MACROD2: variants seen among roughly 807,000 people sequenced by gnomAD.
MACROD2 encodes ADP-ribose glycohydrolase MACROD2.
In MACROD2, 36 loss-of-function variants were observed where a neutral mutation model predicts 70.4. The ratio of observed to expected loss-of-function variants is 0.51; its 90% CI spans 0.39 to 0.68. MACROD2 has a LOEUF of 0.68. MACROD2 is among the 30% of genes least tolerant of loss of function. The pLI is 0.00. For missense variants in MACROD2, 496 were observed against 538.4 expected (o/e 0.92, Z 0.78); for synonymous variants, 172 against 178.8 (o/e 0.96, Z 0.30).
chr20:14,453,277 G>T (rs894242439), intron 3 of MACROD2, among the ~76,000 whole-genome samples: 8 of 152,092 alleles, frequency 5.3e-5, no homozygotes, highest in Admixed American at 1.3e-4. Flanking sequence ...TCTGATGTGT[G>T]TCCCTACTTA....
intron 5 of MACROD2, among the ~76,000 whole-genome samples, chr20:15,082,523 GTTTTT>G (rs753606217): frequency 7.9e-5 from 8 of 101,746 alleles, no homozygotes; most frequent in Admixed American, 4.4e-4. Flanking sequence ...ACTGCAAGAG[GTTTTT>G]TTTTTTTTTT....
intron 8 of MACROD2, among the ~76,000 whole-genome samples, chr20:15,542,520 G>A (rs530566245): frequency 6.6e-6 from 1 of 152,284 alleles, no homozygotes; most frequent in East Asian, 1.9e-4. Flanking sequence ...GGGTGCTTCT[G>A]TGATCTGGGA....
chr20:15,908,328 T>C (rs1017566245), intron 10 of MACROD2, among the ~76,000 whole-genome samples: 7 of 152,202 alleles, frequency 4.6e-5, no homozygotes, highest in Admixed American at 1.3e-4. Flanking sequence ...GCGGGTGGCC[T>C]TCTCCACCTC....
intron 8 of MACROD2, among the ~76,000 whole-genome samples, chr20:15,554,568 T>C (rs1192338281): frequency 6.6e-6 from 1 of 151,258 alleles, no homozygotes; most frequent in Non-Finnish European, 1.5e-5. Flanking sequence ...AAAAGAAATA[T>C]CAAATTATAT....
rs118013837 is a variant in MACROD2, at chr20:15,391,627, A to T, written c.541-39778A>T. Among the ~76,000 whole-genome samples, 411 of 152,286 alleles carry T rather than the reference A, an allele frequency of 2.7e-3. 9 individuals are homozygous for T. The highest frequency in any genetic ancestry group is 0.022 in the East Asian group (112 of 5,174). On this transcript the variant is annotated intron_variant, in intron 6 of 17. Transcript: ENST00000684519. The stretch of plus-strand genomic sequence containing the variant: ...AAGGGCATTTATTGGGATTTCTGGG[A>T]AGTCACCAAGATCTTCCATTAACCC...
chr20:14,074,755 G>T (rs2148662974), intron 2 of MACROD2, among the ~76,000 whole-genome samples: 1 of 152,288 alleles, frequency 6.6e-6, no homozygotes, highest in Non-Finnish European at 1.5e-5. Context: ...GACTACAGTA[G>T]TCTCCCCTGA....
chr20:14,717,408 T>C (rs750412342), intron 5 of MACROD2, among the ~76,000 whole-genome samples: 1 of 152,130 alleles, frequency 6.6e-6, no homozygotes, highest in Non-Finnish European at 1.5e-5. Context: ...AATATCTCTT[T>C]CCTTGAAAAG....
chr20:15,024,129 C>G (rs1433167899), intron 5 of MACROD2, among the ~76,000 whole-genome samples: 1 of 152,138 alleles, frequency 6.6e-6, no homozygotes, highest in African/African-American at 2.4e-5. Flanking sequence ...AGATTTATCT[C>G]TCCCACCCTA....
intron 5 of MACROD2, among the ~76,000 whole-genome samples, chr20:15,223,410 G>T (rs1325600909): frequency 6.6e-6 from 1 of 152,126 alleles, no homozygotes; most frequent in African/African-American, 2.4e-5. Flanking sequence ...TTCTGTGACA[G>T]CCATGTCTGC....
chr20:15,081,385 G>A (rs906413050), intron 5 of MACROD2, among the ~76,000 whole-genome samples: 1 of 152,066 alleles, frequency 6.6e-6, no homozygotes, highest in African/African-American at 2.4e-5. Context: ...AAAAAAGCTT[G>A]GCAGTTTCTA....
At chr20:14,621,669 G>A (rs1307813636) in intron 4 of MACROD2, 4 of 152,108 alleles carry the variant, frequency 2.6e-5, no homozygotes, top group Non-Finnish European at 4.4e-5. Flanking sequence ...AACAAGTGAG[G>A]TATCCTCTAG....
At chr20:14,570,553 A>AT (rs1040286841) in intron 4 of MACROD2, among the ~76,000 whole-genome samples, 92 of 151,754 alleles carry the variant, frequency 6.1e-4, no homozygotes, top group Middle Eastern at 3.4e-3. Context: ...TAAAAGTGTC[A>AT]TTTTTTTTTC....
intron 4 of MACROD2, among the ~76,000 whole-genome samples, chr20:14,638,105 G>A (rs1414197713): frequency 6.6e-6 from 1 of 151,876 alleles, no homozygotes; most frequent in Non-Finnish European, 1.5e-5. Flanking sequence ...GTAGAGGGTG[G>A]TACATCATTG....
chr20:14,834,858 A>G (rs1363452693), intron 5 of MACROD2, among the ~76,000 whole-genome samples: 3 of 151,938 alleles, frequency 2.0e-5, no homozygotes, highest in Non-Finnish European at 4.4e-5. Context: ...GTGTGTATAT[A>G]TATTTATATG....
At chr20:15,846,231 G>C (rs1202334464) in intron 8 of MACROD2, among the ~76,000 whole-genome samples, 1 of 152,186 alleles carries the variant, frequency 6.6e-6, no homozygotes, top group East Asian at 1.9e-4. Flanking sequence ...CCATGAACTG[G>C]AGTGTGGAAG....
intron 8 of MACROD2, among the ~76,000 whole-genome samples, chr20:15,816,358 G>C (rs542337835): frequency 1.3e-5 from 2 of 152,062 alleles, no homozygotes; most frequent in South Asian, 4.2e-4. Flanking sequence ...AATTGTACTG[G>C]AATCAGACTT....
intron 3 of MACROD2, among the ~76,000 whole-genome samples, chr20:14,265,558 T>A (rs1427222421): frequency 1.3e-5 from 2 of 152,320 alleles, no homozygotes; most frequent in East Asian, 3.9e-4. Context: ...TTAATATTTG[T>A]GAAATGTTAA....
At chr20:15,573,383 A>G (rs906116421) in intron 8 of MACROD2, among the ~76,000 whole-genome samples, 2 of 152,168 alleles carry the variant, frequency 1.3e-5, no homozygotes, top group Non-Finnish European at 2.9e-5. Flanking sequence ...TCAGCTTTTT[A>G]TAGGAGTACG....
At chr20:13,999,703 C>T (rs2052707449) in intron 1 of MACROD2, among the ~76,000 whole-genome samples, 1 of 152,196 alleles carries the variant, frequency 6.6e-6, no homozygotes, top group African/African-American at 2.4e-5. Context: ...GAAACTGAAA[C>T]ATAAAGAGGT....
Sources: gnomAD v4.1 joint callset for allele counts (sites outside exome capture counted in the v4.1 genomes callset) on GRCh38, gnomAD v4.1.1 for gene constraint, MANE v1.5 for transcripts, NCBI Gene and HGNC (gene_info 2026-07-23, HGNC 2026-07-21) for gene names.